Variants in ERC1 observed in about 807,000 individuals in gnomAD.
ERC1 encodes the protein RAB6 interacting protein 2.
ERC1 carries 56 observed loss-of-function variants against 132.0 expected under a neutral mutation model. That is an observed-to-expected ratio of 0.42 (90% CI 0.34 to 0.53). The LOEUF (loss-of-function observed/expected upper bound fraction) is 0.53. Among genes scored for constraint, ERC1 ranks in the 20% least tolerant of loss-of-function variants. The pLI, the probability that ERC1 is intolerant of heterozygous loss-of-function variation, is 0.03. For synonymous variants in ERC1, 478 were observed against 476.1 expected (o/e 1.00, Z -0.05); for missense variants, 1,202 against 1,349.9 (o/e 0.89, Z 1.72).
At chr12:1,451,830 G>A (rs1004906224) in intron 18 of ERC1, among the ~76,000 whole-genome samples, 3 of 151,918 alleles carry the variant, frequency 2.0e-5, no homozygotes, top group Admixed American at 1.3e-4. Flanking sequence ...AAAGTGTGAC[G>A]ACTATATTTA....
chr12:1,061,604 GAA>G (rs1333041374), intron 2 of ERC1, among the ~76,000 whole-genome samples: 3 of 152,014 alleles, frequency 2.0e-5, no homozygotes, highest in Non-Finnish European at 4.4e-5. Context: ...CCCTGTCTCA[GAA>G]ACAGCAGCAA....
chr12:1,231,184 C>G (rs553039530), intron 12 of ERC1, among the ~76,000 whole-genome samples: 1 of 150,428 alleles, frequency 6.6e-6, no homozygotes, highest in African/African-American at 2.4e-5. Flanking sequence ...TCCTTTCTAT[C>G]TTTTATATGT....
chr12:1,131,815 C>T (rs1948794641), intron 7 of ERC1, among the ~76,000 whole-genome samples: 1 of 152,138 alleles, frequency 6.6e-6, no homozygotes, highest in African/African-American at 2.4e-5. Flanking sequence ...GTAGGGTAGC[C>T]ATTTTCTGTT....
intron 18 of ERC1, among the ~76,000 whole-genome samples, chr12:1,487,842 G>A (rs1160084247): frequency 3.6e-5 from 5 of 140,266 alleles, no homozygotes; most frequent in Non-Finnish European, 6.5e-5. Flanking sequence ...AGAAAAGAAA[G>A]GAAAGAGAGA....
At chr12:1,420,326 G>T (rs1017684839) in intron 17 of ERC1, among the ~76,000 whole-genome samples, 5 of 151,910 alleles carry the variant, frequency 3.3e-5, no homozygotes, top group Admixed American at 2.6e-4. Context: ...TTTAGAAATT[G>T]GATCCAGAAA....
In ERC1 at chr12:1,136,042, T is replaced by C. The variant is rs138964303; in HGVS notation, c.1570-5578T>C. On this transcript the variant is annotated intron_variant, in intron 7 of 18. Transcript: ENST00000360905. ...AATAACACACCAAAAATAAGGTTCT[T>C]ATTCTCTCTCGAAGCTAAAACCCAT... Among the ~76,000 whole-genome samples, 193 of 152,332 alleles carry C rather than the reference T, an allele frequency of 1.3e-3. 1 individual carries two copies. The highest frequency in any genetic ancestry group is 4.3e-3 in the African/African-American group (179 of 41,584).
Position 1,235,578 on chromosome 12 carries a change from A to C in ERC1, c.2352-1191A>C, listed in dbSNP as rs146750224. 2.9e-3 allele frequency among the ~76,000 whole-genome samples: 442 copies of C among 152,366 alleles called. 4 individuals are homozygous for C. Among genetic ancestry groups the C allele is most frequent in the Middle Eastern group, 0.02 (6 of 294 alleles). ...GGAAACAGGAATGGCCAAATACTGT[A>C]TGATAAGATATTCAGCCTAGGTGGT... is the stretch of plus-strand genomic sequence containing the variant. On this transcript the variant is annotated intron_variant, in intron 12 of 18. Transcript: ENST00000360905.
Position 1,491,002 on chromosome 12 carries a change from A to G in ERC1, c.*772A>G, listed in dbSNP as rs1195770842. 2 of 232,846 alleles carry G rather than the reference A, an allele frequency of 8.6e-6. No homozygotes were observed. Among genetic ancestry groups the G allele is most frequent in the Non-Finnish European group, 8.5e-6 (1 of 117,780 alleles). 14.4% of individuals were successfully genotyped at this position (232,846 alleles called of 1,614,324 possible). The stretch of plus-strand genomic sequence containing the variant: ...TGACGTTATCATACTGAGGTGTTAG[A>G]TCAAATATCTCTAATTGAAGAACAT... On this transcript the variant is annotated 3_prime_UTR_variant, in exon 19 of 19. Transcript: ENST00000360905.
chr12:1,440,605 TGTGTGTGTGTG>T, intron 17 of ERC1, among the ~76,000 whole-genome samples: 1 of 6,334 alleles, frequency 1.6e-4, no homozygotes, highest in Non-Finnish European at 3.8e-4. Context: ...GCCTTTTGTG[TGTGTGTGTGTG>T]TGTGTGTGTG....
chr12:1,075,594 G>C (rs998987492), intron 2 of ERC1, among the ~76,000 whole-genome samples: 2 of 152,170 alleles, frequency 1.3e-5, no homozygotes, highest in Non-Finnish European at 2.9e-5. Flanking sequence ...TGGAGGCAGA[G>C]GCAGGAGAAT....
At chr12:1,453,972 G>A (rs1286945603) in intron 18 of ERC1, among the ~76,000 whole-genome samples, 1 of 151,986 alleles carries the variant, frequency 6.6e-6, no homozygotes, top group Non-Finnish European at 1.5e-5. Context: ...TAGATGACTG[G>A]TGGCTGGGAG....
At chr12:1,488,529 ATTAAAAT>A (rs1313367275) in intron 18 of ERC1, among the ~76,000 whole-genome samples, 1 of 152,124 alleles carries the variant, frequency 6.6e-6, no homozygotes, top group Non-Finnish European at 1.5e-5. Flanking sequence ...TCTCCAAAAA[ATTAAAAT>A]TTAAAACATT....
chr12:1,354,248 G>A (rs116467133), intron 15 of ERC1, among the ~76,000 whole-genome samples: 1,531 of 152,210 alleles, frequency 0.01, 34 homozygotes, highest in African/African-American at 0.035. Context: ...TTAAGGCCAG[G>A]TGTGGTGGCT....
Position 1,270,382 on chromosome 12 carries a change from G to C in ERC1, c.2619+7217G>C, listed in dbSNP as rs370626992. On this transcript the variant is annotated intron_variant, in intron 14 of 18. Coordinates refer to ENST00000360905, the MANE Select transcript of ERC1 (RefSeq NM_178040.4). ...ACCACCACGCCTGGCTAATTTTTTT[G>C]CATTTTTATTAGAGACGAGGTTTCG... Among the ~76,000 whole-genome samples the C allele has an allele frequency of 2.6e-5, 4 of 151,854 alleles. No homozygotes were observed. The East Asian group carries it at 7.7e-4, about 29-fold the overall frequency.
intron 18 of ERC1, among the ~76,000 whole-genome samples, chr12:1,479,662 G>A (rs977670254): frequency 6.6e-6 from 1 of 152,182 alleles, no homozygotes; most frequent in Non-Finnish European, 1.5e-5. Context: ...GGACGGGCAG[G>A]ATTCAGTGCC....
chr12:1,190,348 A>C (rs975769160), intron 12 of ERC1: 5 of 416,932 alleles, frequency 1.2e-5, no homozygotes, highest in African/African-American at 1.0e-4. Context: ...AAATCAAGAG[A>C]GGACAAATGT....
At chr12:991,426 T>A (rs1415249602) in intron 1 of ERC1, 104 bp downstream of exon 1, 1 of 153,088 alleles carries the variant, frequency 6.5e-6, no homozygotes, top group Non-Finnish European at 1.5e-5. Context: ...CCCAGCTTCT[T>A]GCTCACGGCC....
chr12:1,028,012 A>G lies in ERC1; in HGVS notation c.109A>G (p.Ser37Gly). ...TCGCTTGGGTCACCGTCGAACCAACAGTACGGGAGGGAGTTCGGGAAGCAG... is the reference window on the plus strand; with the variant it reads ...TCGCTTGGGTCACCGTCGAACCAACGGTACGGGAGGGAGTTCGGGAAGCAG... The part of the protein sequence containing the change: ...SPRLGHRRTN[S>G]TGGSSGSSVG... Residue 37 changes from serine to glycine, a missense_variant, in exon 2 of 19, where the codon AGT becomes GGT. Transcript: ENST00000360905. The G allele has an allele frequency of 6.2e-7, 1 of 1,614,188 alleles. No individual in the cohort carries two copies. Among genetic ancestry groups the G allele is most frequent in the Non-Finnish European group, 8.5e-7 (1 of 1,180,040 alleles).
intron 12 of ERC1, among the ~76,000 whole-genome samples, chr12:1,231,172 A>C (rs935707710): frequency 2.0e-5 from 3 of 151,000 alleles, no homozygotes; most frequent in Admixed American, 6.6e-5. Flanking sequence ...TGTATGCTTA[A>C]TTCCTTTCTA....
Sources: gnomAD v4.1 joint callset for allele counts (sites outside exome capture counted in the v4.1 genomes callset) on GRCh38, gnomAD v4.1.1 for gene constraint, MANE v1.5 for transcripts, NCBI Gene and HGNC (gene_info 2026-07-23, HGNC 2026-07-21) for gene names.